The following EIF2AK1 variants were observed in gnomAD, a reference collection of about 807,000 sequenced individuals.
EIF2AK1 encodes eukaryotic translation initiation factor 2-alpha kinase 1.
A neutral mutation model predicts 77.9 loss-of-function variants in EIF2AK1; 54 were observed. The ratio of observed to expected loss-of-function variants is 0.69; its 90% confidence interval spans 0.56 to 0.87. The LOEUF (loss-of-function observed/expected upper bound fraction) is 0.87. Among genes scored for constraint, EIF2AK1 ranks in the 40% least tolerant of loss-of-function variants. The pLI is 0.00. For missense variants in EIF2AK1, 810 were observed against 768.6 expected, an observed-to-expected ratio of 1.05 and a Z score of -0.64; for synonymous variants, 314 against 290.5, an observed-to-expected ratio of 1.08 and a Z score of -0.82.
intron 11 of EIF2AK1, among the ~76,000 whole-genome samples, chr7:6,029,596 T>C (rs183136246): frequency 6.6e-6 from 1 of 152,292 alleles, no homozygotes; most frequent in Admixed American, 6.5e-5. Context: ...CCCAAGGCTA[T>C]TCTAAATTTG....
Position 6,036,376 on chromosome 7 carries a change from A to G in EIF2AK1, c.1332+1048T>C, listed in dbSNP as rs1257341872. 1.4e-6 allele frequency: 2 copies of G among 1,475,650 alleles called. No individual in the cohort carries two copies. Among genetic ancestry groups the G allele is most frequent in the African/African-American group, 1.4e-5 (1 of 70,658 alleles). 91.4% of individuals were successfully genotyped at this position (1,475,650 alleles called of 1,614,324 possible). A position where few individuals can be genotyped will look rare whatever the true frequency, so the allele number is the denominator to read the frequency against. On this transcript the variant is annotated intron_variant, in intron 11 of 14. Coordinates refer to ENST00000199389, the MANE Select transcript of EIF2AK1 (RefSeq NM_014413.4). The surrounding 1 kb of genome is among the most constrained non-coding windows in gnomAD (Gnocchi z 4.6). ...GTCTACTGCTGTTATGACTTGGCAT[A>G]TACCTCTTGAAATAAGACCTCCCAG...
At position 6,026,829 on chromosome 7, in the gene EIF2AK1, C is replaced by G; in HGVS notation, c.1663G>C (p.Val555Leu). The G allele has an allele frequency of 1.2e-6, 2 of 1,614,220 alleles. No individual in the cohort carries two copies. Among genetic ancestry groups the G allele is most frequent in the Non-Finnish European group, 1.7e-6 (2 of 1,180,042 alleles). The change falls in exon 14 of 15, where the codon GTG becomes CTG. Residue 555 changes from valine (V) to leucine (L), a missense_variant. Around this residue, in one of 3 missense-constraint regions of EIF2AK1, gnomAD observed 549 missense variants for 533.7 expected, o/e 1.03. Coordinates refer to ENST00000199389, the MANE Select transcript of EIF2AK1 (RefSeq NM_014413.4). ...AAGTGCTGGATATACTTGGCTTGCACTGGACACCTTTTACGGAGGGATTCC... is the reference window on the plus strand; with the variant it reads ...AAGTGCTGGATATACTTGGCTTGCAGTGGACACCTTTTACGGAGGGATTCC... ...LPESLRKRCP[V>L]QAKYIQHLTR... is the part of the protein sequence containing the mutation.
rs1290087597 is a variant in EIF2AK1, at chr7:6,059,022, A to ACAGCCC, written c.56_61dup (p.Gly19_Ala20dup). On this transcript the variant is annotated inframe_insertion, in exon 1 of 15. Transcript: ENST00000199389. ...AAAGTCGATGGCCGGCGGCGCAGCC[A>ACAGCCC]CAGCCCCAGCCCCGTCGCCCTCCTC... The ACAGCCC allele has an allele frequency of 9.7e-6, 15 of 1,540,818 alleles. No individual in the cohort carries two copies. The highest frequency in any genetic ancestry group is 2.4e-5 in the South Asian group (2 of 82,748).
rs564057402 is a variant in EIF2AK1, at chr7:6,032,087, T to C, written c.1333-3055A>G. On this transcript the variant is annotated intron_variant, in intron 11 of 14. Coordinates refer to ENST00000199389, the MANE Select transcript of EIF2AK1 (RefSeq NM_014413.4). This position sits in a 1 kb window ranked among gnomAD's most constrained non-coding sequence, Gnocchi z 4.3. ...TACTCGGACGGCTGAGGCAGGAGAA[T>C]TGCTTGAACCCAGGAGGCAGAGGTT... Among the ~76,000 whole-genome samples the C allele has an allele frequency of 1.5e-4, 23 of 152,180 alleles. No homozygotes were observed. Among genetic ancestry groups the C allele is most frequent in the African/African-American group, 4.6e-4 (19 of 41,518 alleles).
rs780646078 is a variant in EIF2AK1 at position 6,026,824 on chromosome 7, T to G, written c.1668A>C (p.Gln556His). The G allele has an allele frequency of 6.2e-7, 1 of 1,614,206 alleles. No individual in the cohort carries two copies. Among genetic ancestry groups the G allele is most frequent in the South Asian group, 1.1e-5 (1 of 91,088 alleles). Residue 556 changes from glutamine to histidine, a missense_variant, in exon 14 of 15, where the codon CAA (glutamine) becomes CAC (histidine). Physicochemically the swap from Gln to His is conservative, Grantham distance 24. This residue lies in a region of EIF2AK1 where 549 missense variants were observed against 533.7 expected (regional missense o/e 1.03). Transcript: ENST00000199389. ...TCGTTAAGTGCTGGATATACTTGGC[T>G]TGCACTGGACACCTTTTACGGAGGG... The part of the protein sequence containing the change: ...PESLRKRCPV[Q>H]AKYIQHLTRR...
At chr7:6,038,534 G>T in intron 10 of EIF2AK1, 26 bp downstream of exon 10, 1 of 1,583,256 alleles carries the variant, frequency 6.3e-7, no homozygotes, top group Non-Finnish European at 8.6e-7. Context: ...CTATTTCCCG[G>T]CCCGGCAGAC....
At position 6,040,898 on chromosome 7, in the gene EIF2AK1, C is replaced by G; in HGVS notation, c.1113G>C (p.Gln371His). Reference protein sequence around the residue: ...SSEENVNFLGQTEAQYHLMLH... With the variant: ...SSEENVNFLGHTEAQYHLMLH... ...GTCTGGGAAAGTAATCTACCTCTGTCTGACCCAAAAAGTTGACATTTTCTT... is the reference window on the plus strand; with the variant it reads ...GTCTGGGAAAGTAATCTACCTCTGTGTGACCCAAAAAGTTGACATTTTCTT... Residue 371 changes from glutamine (Q) to histidine (H), a missense_variant, in exon 9 of 15, where the codon CAG becomes CAC. Around this residue, in one of 3 missense-constraint regions of EIF2AK1, gnomAD observed 549 missense variants for 533.7 expected, o/e 1.03. Transcript: ENST00000199389. The G allele has an allele frequency of 6.2e-7, 1 of 1,613,844 alleles. No homozygotes were observed. The highest frequency in any genetic ancestry group is 8.5e-7 in the Non-Finnish European group (1 of 1,179,802).
Position 6,032,955 on chromosome 7 carries a change from A to G in EIF2AK1, c.1333-3923T>C, listed in dbSNP as rs1787960152. The G allele has an allele frequency of 1.3e-6, 2 of 1,539,672 alleles. No homozygotes were observed. The highest frequency in any genetic ancestry group is 1.4e-5 in the African/African-American group (1 of 72,808). The stretch of plus-strand genomic sequence containing the variant: ...AAGTCAGGTAAGTTAACTCCACCGA[A>G]AATCATTTCTTTTTTTTTCTTTTTT... On this transcript the variant is annotated intron_variant, in intron 11 of 14. Coordinates refer to ENST00000199389, the MANE Select transcript of EIF2AK1 (RefSeq NM_014413.4). This position sits in a 1 kb window ranked among gnomAD's most constrained non-coding sequence, Gnocchi z 4.3.
In EIF2AK1 at chr7:6,026,766, G is replaced by C; in HGVS notation, c.1726C>G (p.Gln576Glu). The C allele has an allele frequency of 6.2e-7, 1 of 1,614,180 alleles. No individual in the cohort carries two copies. Among genetic ancestry groups the C allele is most frequent in the Non-Finnish European group, 8.5e-7 (1 of 1,180,014 alleles). Residue 576 changes from glutamine to glutamate, a missense_variant, in exon 14 of 15, where the codon CAG becomes GAG. Physicochemically the swap from Gln to Glu is conservative, Grantham distance 29. Coordinates refer to ENST00000199389, the MANE Select transcript of EIF2AK1 (RefSeq NM_014413.4). ...RNSSQRPSAI[Q>E]LLQSELFQNS... ...TGGAAAAGTTCACTCTGCAGCAGCT[G>C]AATGGCAGATGGTCTCTGCGATGAG...
chr7:6,046,966 G>T, intron 5 of EIF2AK1, 26 bp downstream of exon 5: 1 of 1,556,210 alleles, frequency 6.4e-7, no homozygotes, highest in Non-Finnish European at 8.8e-7. Context: ...AGGGTAGTAG[G>T]TCAAAACAAG....
chr7:6,038,730 T>A, intron 9 of EIF2AK1, 59 bp from the exon 10 acceptor site: 1 of 1,436,466 alleles, frequency 7.0e-7, no homozygotes. Flanking sequence ...ATTATTCATT[T>A]AGCCAACAAA....
At chr7:6,043,129 A>C in intron 7 of EIF2AK1, 136 bp from the exon 8 acceptor site, 1 of 855,992 alleles carries the variant, frequency 1.2e-6, no homozygotes, top group East Asian at 2.7e-5. Context: ...GGCAAAATAC[A>C]AAAAGTTTAT....
In EIF2AK1 at chr7:6,024,593, C is replaced by A; in HGVS notation, c.*80G>T. On this transcript the variant is annotated 3_prime_UTR_variant, in exon 15 of 15. Coordinates refer to ENST00000199389, the MANE Select transcript of EIF2AK1 (RefSeq NM_014413.4). ...TCTTGTAAAGGCTTACTAAATACAACGAAGCATTGTACCAACTATACCCTA... is the reference window on the plus strand; with the variant it reads ...TCTTGTAAAGGCTTACTAAATACAAAGAAGCATTGTACCAACTATACCCTA... 2 of 1,594,040 alleles carry A rather than the reference C, an allele frequency of 1.3e-6. No homozygotes were observed. Among genetic ancestry groups the A allele is most frequent in the Non-Finnish European group, 1.7e-6 (2 of 1,173,420 alleles).
chr7:6,046,271 G>T, intron 5 of EIF2AK1, 120 bp from the exon 6 acceptor site: 1 of 508,620 alleles, frequency 2.0e-6, no homozygotes, highest in Non-Finnish European at 3.4e-6. Context: ...TATAGCTAAA[G>T]ACATGTCTCC....
At position 6,032,312 on chromosome 7, in the gene EIF2AK1, T is replaced by C. The variant is rs1345274055; in HGVS notation, c.1333-3280A>G. 6.6e-6 allele frequency among the ~76,000 whole-genome samples: 1 copy of C among 152,272 alleles called. No individual in the cohort carries two copies. The highest frequency in any genetic ancestry group is 2.4e-5 in the African/African-American group (1 of 41,482). Reference sequence around the variant, plus strand: ...CTCCCTTGTACCCTACTGTCTTATCTTGCAGCCACGGTGTGAAACCACTAC... The same window carrying C: ...CTCCCTTGTACCCTACTGTCTTATCCTGCAGCCACGGTGTGAAACCACTAC... On this transcript the variant is annotated intron_variant, in intron 11 of 14. Coordinates refer to ENST00000199389, the MANE Select transcript of EIF2AK1 (RefSeq NM_014413.4). The surrounding 1 kb of genome is among the most constrained non-coding windows in gnomAD (Gnocchi z 4.3).
intron 1 of EIF2AK1, 101 bp downstream of exon 1, chr7:6,058,865 G>C: frequency 1.8e-6 from 2 of 1,104,014 alleles, no homozygotes; most frequent in Non-Finnish European, 2.5e-6. Flanking sequence ...GGCAGCCAAA[G>C]TCGCCCAGGT....
intron 2 of EIF2AK1, among the ~76,000 whole-genome samples, chr7:6,052,071 C>T (rs1788622881): frequency 6.7e-6 from 1 of 150,114 alleles, no homozygotes; most frequent in African/African-American, 2.4e-5. Flanking sequence ...ACTTGGGAGG[C>T]TGAGGCAAGA....
At chr7:6,040,500 A>C (rs1224480667) in intron 9 of EIF2AK1, among the ~76,000 whole-genome samples, 1 of 152,208 alleles carries the variant, frequency 6.6e-6, no homozygotes, top group Non-Finnish European at 1.5e-5. Context: ...TAAAATTAAA[A>C]AGAATATCCC....
rs758666098 is a variant in EIF2AK1, at chr7:6,044,676, G to A, written c.631-15C>T. On this transcript the variant is annotated splice_polypyrimidine_tract_variant and intron_variant, in intron 6 of 14. Coordinates refer to ENST00000199389, the MANE Select transcript of EIF2AK1 (RefSeq NM_014413.4). ...TCCCGTAGGACCTAGAAAAGAAATG[G>A]AAGTAGATCTGCCTTTTGCTGATAA... is the stretch of plus-strand genomic sequence containing the variant. 6.2e-7 allele frequency: 1 copy of A among 1,609,172 alleles called. No individual in the cohort carries two copies. The highest frequency in any genetic ancestry group is 8.5e-7 in the Non-Finnish European group (1 of 1,176,230).
Sources: gnomAD v4.1 joint callset for allele counts (sites outside exome capture counted in the v4.1 genomes callset) on GRCh38, gnomAD v4.1.1 for gene constraint, gnomAD v4.1.1 regional missense constraint, Gnocchi (gnomAD v3.1) non-coding constraint, MANE v1.5 for transcripts, NCBI Gene and HGNC (gene_info 2026-07-23, HGNC 2026-07-21) for gene names.